Variants in FRMD5 observed in about 807,000 individuals in gnomAD.
The protein encoded by FRMD5 is FERM domain-containing protein 5.
Under a neutral mutation model 69.0 loss-of-function variants are expected in FRMD5, and 20 were observed. The observed-to-expected ratio is 0.29, with a 90% CI of 0.20 to 0.42. The LOEUF (loss-of-function observed/expected upper bound fraction) is 0.42. Among genes scored for constraint, FRMD5 ranks in the 10% least tolerant of loss-of-function variants. The pLI is 1.00. For synonymous variants in FRMD5, 271 were observed against 260.1 expected, an observed-to-expected ratio of 1.04 and a Z score of -0.40; for missense variants, 595 against 708.6, an observed-to-expected ratio of 0.84 and a Z score of 1.82.
chr15:43,958,178 C>T (rs2090143771), intron 1 of FRMD5, among the ~76,000 whole-genome samples: 1 of 152,182 alleles, frequency 6.6e-6, no homozygotes, highest in African/African-American at 2.4e-5. Flanking sequence ...TTTGTGCATA[C>T]ACTAGGACCC....
intron 1 of FRMD5, among the ~76,000 whole-genome samples, chr15:44,054,748 G>A (rs1212206398): frequency 6.6e-6 from 1 of 152,048 alleles, no homozygotes; most frequent in Non-Finnish European, 1.5e-5. Context: ...GAATCACAAG[G>A]ATGAAAGGTA....
intron 5 of FRMD5, among the ~76,000 whole-genome samples, chr15:43,906,355 G>A (rs1411628237): frequency 2.0e-5 from 3 of 152,186 alleles, no homozygotes; most frequent in African/African-American, 7.2e-5. Context: ...GATCCTCTTG[G>A]GCCTCAGCCA....
chr15:43,908,277 G>A (rs1595506048), intron 5 of FRMD5, among the ~76,000 whole-genome samples: 1 of 144,864 alleles, frequency 6.9e-6, no homozygotes, highest in African/African-American at 2.6e-5. Context: ...GCAGTGAGCC[G>A]AGATCACACC....
intron 13 of FRMD5, among the ~76,000 whole-genome samples, chr15:43,878,260 GAAAA>G (rs567304930): frequency 1.3e-5 from 2 of 148,760 alleles, no homozygotes; most frequent in African/African-American, 4.9e-5. Flanking sequence ...ATGTTGATGA[GAAAA>G]AAAAAAGTTT....
Position 43,919,534 on chromosome 15 carries a change from T to C in FRMD5, c.254A>G (p.Gln85Arg). ...TKSVVKQLRS[Q>R]PPFTMCFRVK... ...ACGGAAGCACATGGTGAATGGAGGC[T>C]GGGCTGCAGAGAAAAAGAGGTGCTC... is the stretch of plus-strand genomic sequence containing the variant. Residue 85 changes from glutamine (Q) to arginine (R), a missense_variant, in exon 4 of 14, where the codon CAG (glutamine) becomes CGG (arginine). This residue lies in a region of FRMD5 where 79 missense variants were observed against 139.9 expected (regional missense o/e 0.56). Coordinates refer to ENST00000417257, the MANE Select transcript of FRMD5 (RefSeq NM_032892.5). 6.2e-7 allele frequency: 1 copy of C among 1,613,898 alleles called. No individual in the cohort carries two copies.
rs1595460530 is a variant in FRMD5, at chr15:43,870,813, T to G, written c.*3072A>C. ...TTAAAAATAATCTTCATGGCACCAA[T>G]GATTTTATGCTAACTACATACTGCA... On this transcript the variant is annotated 3_prime_UTR_variant, in exon 14 of 14. Transcript: ENST00000417257. 6.6e-6 allele frequency: 1 copy of G among 152,324 alleles called. No individual in the cohort carries two copies. Among genetic ancestry groups the G allele is most frequent in the African/African-American group, 2.4e-5 (1 of 41,574 alleles). 9.4% of individuals were successfully genotyped at this position (152,324 alleles called of 1,614,324 possible).
intron 1 of FRMD5, among the ~76,000 whole-genome samples, chr15:44,031,265 C>T (rs1227067847): frequency 1.3e-5 from 2 of 152,118 alleles, no homozygotes; most frequent in African/African-American, 4.8e-5. Flanking sequence ...AAAAAAAAGC[C>T]ACACACAACT....
intron 1 of FRMD5, among the ~76,000 whole-genome samples, chr15:44,127,259 T>C (rs2140410290): frequency 6.6e-6 from 1 of 152,296 alleles, no homozygotes; most frequent in Non-Finnish European, 1.5e-5. Context: ...CACCGACTAA[T>C]TCTTGTATTT....
At chr15:44,118,510 A>G (rs2076901915) in intron 1 of FRMD5, among the ~76,000 whole-genome samples, 1 of 152,156 alleles carries the variant, frequency 6.6e-6, no homozygotes, top group Admixed American at 6.5e-5. Flanking sequence ...TTTTGCCTCT[A>G]TATTCAATCA....
At chr15:43,892,731 A>G (rs1181722524) in intron 7 of FRMD5, among the ~76,000 whole-genome samples, 1 of 152,270 alleles carries the variant, frequency 6.6e-6, no homozygotes, top group African/African-American at 2.4e-5. Context: ...GCCAAGTGAA[A>G]GAAGCCAGTC....
At chr15:44,091,451 C>T (rs1032102526) in intron 1 of FRMD5, among the ~76,000 whole-genome samples, 6 of 152,114 alleles carry the variant, frequency 3.9e-5, no homozygotes, top group Non-Finnish European at 8.8e-5. Context: ...TATAAGTCTC[C>T]TTATCACCAG....
chr15:44,048,318 G>A (rs1892515786), intron 1 of FRMD5, among the ~76,000 whole-genome samples: 1 of 151,870 alleles, frequency 6.6e-6, no homozygotes, highest in African/African-American at 2.4e-5. Flanking sequence ...GACTAATGAT[G>A]TGGAACATCT....
At chr15:43,875,072 T>C (rs11852767) in intron 13 of FRMD5, among the ~76,000 whole-genome samples, 28,525 of 151,800 alleles carry the variant, frequency 0.19, 3,927 homozygotes, top group African/African-American at 0.38. Flanking sequence ...GTGGCGGGCA[T>C]CTGTAATCCC....
At chr15:44,114,904 C>A (rs1310845381) in intron 1 of FRMD5, among the ~76,000 whole-genome samples, 1 of 152,174 alleles carries the variant, frequency 6.6e-6, no homozygotes, top group Non-Finnish European at 1.5e-5. Context: ...AGGGCAGCCA[C>A]TACTCAGCAC....
At chr15:44,113,883 T>C (rs2076833518) in intron 1 of FRMD5, among the ~76,000 whole-genome samples, 1 of 152,238 alleles carries the variant, frequency 6.6e-6, no homozygotes, top group Non-Finnish European at 1.5e-5. Context: ...ATGTGAACTT[T>C]ATTTGCATAA....
At chr15:43,887,307 CAA>C (rs2088687039) in intron 10 of FRMD5, among the ~76,000 whole-genome samples, 1 of 152,210 alleles carries the variant, frequency 6.6e-6, no homozygotes, top group Non-Finnish European at 1.5e-5. Flanking sequence ...GCTTGCATCT[CAA>C]GTTGCTTCTC....
intron 1 of FRMD5, among the ~76,000 whole-genome samples, chr15:43,971,546 T>C (rs1339634794): frequency 1.4e-5 from 2 of 146,500 alleles, no homozygotes; most frequent in Non-Finnish European, 3.0e-5. Context: ...TAGCCAGGCA[T>C]GGTGGCACGC....
At chr15:43,969,630 C>T (rs951393409) in intron 1 of FRMD5, among the ~76,000 whole-genome samples, 2 of 152,154 alleles carry the variant, frequency 1.3e-5, no homozygotes, top group Non-Finnish European at 2.9e-5. Flanking sequence ...GTCACATACA[C>T]TCAAAAAGAC....
chr15:44,091,850 A>C (rs762133889), intron 1 of FRMD5, among the ~76,000 whole-genome samples: 1 of 151,266 alleles, frequency 6.6e-6, no homozygotes, highest in Non-Finnish European at 1.5e-5. Context: ...CTGAGCCTCT[A>C]CTCTCCTCTC....
Sources: allele counts gnomAD v4.1 joint callset (sites outside exome capture counted in the v4.1 genomes callset), GRCh38; gene constraint gnomAD v4.1.1; regional missense constraint gnomAD v4.1.1; transcripts MANE v1.5; gene names NCBI Gene and HGNC (gene_info 2026-07-23, HGNC 2026-07-21).